RANBP17: variants seen among roughly 807,000 people sequenced by gnomAD.
RANBP17 encodes ran-binding protein 17.
RANBP17 carries 158 observed loss-of-function variants against 141.2 expected under a neutral mutation model. The ratio of observed to expected loss-of-function variants is 1.12; its 90% CI spans 0.98 to 1.28. RANBP17 has a LOEUF of 1.28. Among genes scored for constraint, RANBP17 ranks in the 50% most tolerant of loss-of-function variants. The pLI is 0.00. For missense variants in RANBP17, 1,438 were observed against 1,290.7 expected, an observed-to-expected ratio of 1.11 and a Z score of -1.75; for synonymous variants, 430 against 450.0, an observed-to-expected ratio of 0.96 and a Z score of 0.56.
intron 14 of RANBP17, among the ~76,000 whole-genome samples, chr5:171,110,210 A>G (rs1267945812): frequency 6.6e-6 from 1 of 151,952 alleles, no homozygotes; most frequent in Non-Finnish European, 1.5e-5. Flanking sequence ...CATTGGACAA[A>G]TATTTATACT....
chr5:170,987,601 A>G (rs1314970311), intron 14 of RANBP17, among the ~76,000 whole-genome samples: 1 of 151,732 alleles, frequency 6.6e-6, no homozygotes, highest in Non-Finnish European at 1.5e-5. Context: ...GGTAATATAT[A>G]TTAACTGTTT....
chr5:171,217,107 G>C (rs1763270567), intron 21 of RANBP17, among the ~76,000 whole-genome samples: 1 of 152,152 alleles, frequency 6.6e-6, no homozygotes, highest in South Asian at 2.1e-4. Flanking sequence ...TTTATTGAGA[G>C]TTTTTAGCAT....
In RANBP17 at chr5:170,924,429, C is replaced by A; in HGVS notation, c.1347C>A (p.Ser449Arg). Reference sequence around the variant, plus strand: ...AGTTGGAGCAGTTGTGCACGGTCAGCAGATGTGAATATGAAAAGACATGTG... The same window carrying A: ...AGTTGGAGCAGTTGTGCACGGTCAGAAGATGTGAATATGAAAAGACATGTG... Reference protein sequence around the residue: ...FQQLEQLCTVSRCEYEKTCAL... With the variant: ...FQQLEQLCTVRRCEYEKTCAL... Residue 449 changes from serine to arginine, a missense_variant, in exon 12 of 28, where the codon AGC becomes AGA. Transcript: ENST00000523189. The A allele has an allele frequency of 6.2e-7, 1 of 1,613,228 alleles. No homozygotes were observed. The highest frequency in any genetic ancestry group is 2.2e-5 in the East Asian group (1 of 44,850).
intron 27 of RANBP17, 100 bp from the exon 28 acceptor site, chr5:171,298,662 G>C: frequency 1.3e-6 from 1 of 760,216 alleles, no homozygotes; most frequent in South Asian, 1.8e-5. Flanking sequence ...CCAGGAGGGG[G>C]CTCCCCAAAG....
intron 14 of RANBP17, among the ~76,000 whole-genome samples, chr5:171,070,278 A>G (rs1302427264): frequency 6.6e-6 from 1 of 152,178 alleles, no homozygotes; most frequent in Non-Finnish European, 1.5e-5. Context: ...ATTAATTACC[A>G]TAAAGAACAA....
chr5:170,886,739 C>T (rs1215899713), intron 3 of RANBP17, among the ~76,000 whole-genome samples: 4 of 142,668 alleles, frequency 2.8e-5, no homozygotes, highest in African/African-American at 1.0e-4. Context: ...CTCACTCCTC[C>T]CTTTGCCTCC....
intron 12 of RANBP17, 93 bp from the exon 13 acceptor site, chr5:170,953,504 A>G (rs1008202382): frequency 2.0e-5 from 15 of 748,036 alleles, no homozygotes; most frequent in Non-Finnish European, 3.4e-5. Context: ...ATTTGGAAGA[A>G]CAGATCATTG....
intron 14 of RANBP17, among the ~76,000 whole-genome samples, chr5:171,068,924 A>G (rs1030916420): frequency 6.6e-6 from 1 of 152,132 alleles, no homozygotes; most frequent in African/African-American, 2.4e-5. Context: ...TTACTCGTTT[A>G]TTTAGTAACT....
intron 1 of RANBP17, among the ~76,000 whole-genome samples, chr5:170,877,265 A>T (rs1768261101): frequency 1.3e-5 from 2 of 151,556 alleles, no homozygotes; most frequent in Non-Finnish European, 2.9e-5. Context: ...CATATAATAA[A>T]AATAATATAT....
At chr5:170,926,640 A>G (rs1196549726) in intron 12 of RANBP17, among the ~76,000 whole-genome samples, 1 of 152,058 alleles carries the variant, frequency 6.6e-6, no homozygotes, top group African/African-American at 2.4e-5. Context: ...TTCATATCAA[A>G]CTTGATTTTG....
chr5:171,051,914 CTTG>C (rs1313944852), intron 14 of RANBP17, among the ~76,000 whole-genome samples: 12 of 151,388 alleles, frequency 7.9e-5, no homozygotes, highest in African/African-American at 2.2e-4. Flanking sequence ...GGGTCGCTTT[CTTG>C]TTGTTGTTTT....
chr5:170,959,943 T>C (rs1776013948), intron 13 of RANBP17, among the ~76,000 whole-genome samples: 1 of 152,166 alleles, frequency 6.6e-6, no homozygotes, highest in Non-Finnish European at 1.5e-5. Flanking sequence ...AGTTCAAACC[T>C]GTCTTGTTCA....
At chr5:171,011,000 C>T (rs1193215889) in intron 14 of RANBP17, among the ~76,000 whole-genome samples, 3 of 152,064 alleles carry the variant, frequency 2.0e-5, no homozygotes, top group South Asian at 4.1e-4. Context: ...AATAATACCA[C>T]TCTTACATAA....
intron 14 of RANBP17, among the ~76,000 whole-genome samples, chr5:171,062,545 G>A (rs1202922828): frequency 6.6e-6 from 1 of 152,178 alleles, no homozygotes; most frequent in Non-Finnish European, 1.5e-5. Flanking sequence ...AGTCTGATGG[G>A]CTTCCCTTTG....
intron 22 of RANBP17, 115 bp downstream of exon 22, chr5:171,221,955 TCG>T (rs1166762570): frequency 7.1e-6 from 5 of 704,196 alleles, no homozygotes; most frequent in Non-Finnish European, 9.4e-6. Flanking sequence ...ATTTGTGAAG[TCG>T]GTAATACAAG....
In RANBP17 at chr5:171,170,070, T is replaced by C. The variant is rs577672572; in HGVS notation, c.1711-60T>C. On this transcript the variant is annotated intron_variant, in intron 14 of 27. Coordinates refer to ENST00000523189, the MANE Select transcript of RANBP17 (RefSeq NM_022897.5). ...AAATCTTATGTTTGTTCAATTCGAATAGTCTTTTGAAAATATATGTTAATA... is the reference window on the plus strand; with the variant it reads ...AAATCTTATGTTTGTTCAATTCGAACAGTCTTTTGAAAATATATGTTAATA... 3.0e-4 allele frequency: 269 copies of C among 885,386 alleles called. 4 individuals are homozygous for C. The South Asian group carries it at 5.4e-3, about 18-fold the overall frequency. The allele number at this position is 885,386 out of a possible 1,614,324, so 54.8% of individuals were successfully genotyped here.
chr5:171,087,280 G>T lies in RANBP17; in HGVS notation c.1711-82850G>T, dbSNP rs577546744. Among the ~76,000 whole-genome samples the T allele has an allele frequency of 3.5e-3, 534 of 152,226 alleles. 3 individuals are homozygous for T. Among genetic ancestry groups the T allele is most frequent in the African/African-American group, 0.012 (516 of 41,538 alleles). On this transcript the variant is annotated intron_variant, in intron 14 of 27. Coordinates refer to ENST00000523189, the MANE Select transcript of RANBP17 (RefSeq NM_022897.5). ...TCCATGTAGTTGTGCAGCTTTGAGT[G>T]GGATTCTTAATCCTGAGTTCTAGTT...
At chr5:171,063,733 G>A (rs917113256) in intron 14 of RANBP17, among the ~76,000 whole-genome samples, 1 of 152,196 alleles carries the variant, frequency 6.6e-6, no homozygotes, top group South Asian at 2.1e-4. Context: ...GGTTACTGCT[G>A]TCTTTTTGTT....
intron 16 of RANBP17, among the ~76,000 whole-genome samples, chr5:171,181,462 A>G (rs893670053): frequency 2.0e-5 from 3 of 152,072 alleles, no homozygotes; most frequent in African/African-American, 7.2e-5. Flanking sequence ...AGAAAAAAAA[A>G]AAAAGAAAAA....
Sources: allele counts gnomAD v4.1 joint callset (sites outside exome capture counted in the v4.1 genomes callset), GRCh38; gene constraint gnomAD v4.1.1; transcripts MANE v1.5; gene names NCBI Gene and HGNC (gene_info 2026-07-23, HGNC 2026-07-21).